The following EZR variants were observed in gnomAD, a reference collection of about 807,000 sequenced individuals.
The protein encoded by EZR is ezrin, also known as cytovillin 2.
A neutral mutation model predicts 74.8 loss-of-function variants in EZR; 40 were observed. The ratio of observed to expected loss-of-function variants is 0.53; its 90% CI spans 0.42 to 0.70. EZR has a LOEUF of 0.70. Among genes scored for constraint, EZR ranks in the 30% least tolerant of loss-of-function variants. EZR has a pLI of 0.00. For synonymous variants in EZR, 341 were observed against 283.3 expected (o/e 1.20, Z -2.05); for missense variants, 678 against 755.8 (o/e 0.90, Z 1.21).
At chr6:158,778,443 A>C (rs1791341245) in intron 7 of EZR, among the ~76,000 whole-genome samples, 1 of 152,212 alleles carries the variant, frequency 6.6e-6, no homozygotes, top group Non-Finnish European at 1.5e-5. Flanking sequence ...GAAAATTATG[A>C]CTCACTTTTG....
At position 158,785,261 on chromosome 6, in the gene EZR, G is replaced by T. The variant is rs778637269; in HGVS notation, c.467+48C>A. 6.6e-5 allele frequency: 105 copies of T among 1,600,026 alleles called. 1 individual carries two copies. The highest frequency in any genetic ancestry group is 5.1e-6 in the Non-Finnish European group (6 of 1,170,832). On this transcript the variant is annotated intron_variant, in intron 5 of 13. Transcript: ENST00000367075. ...TCTAAGGCAATCACTTCTCCCTGCC[G>T]AGGACGGCATGACTGCTCCTGCCCA...
intron 5 of EZR, 125 bp downstream of exon 5, chr6:158,785,184 G>T: frequency 8.3e-7 from 1 of 1,198,232 alleles, no homozygotes; most frequent in Non-Finnish European, 1.2e-6. Context: ...TTAATGACTA[G>T]CATGAAGGAG....
chr6:158,813,561 G>A (rs1420240029), intron 2 of EZR, among the ~76,000 whole-genome samples: 1 of 152,204 alleles, frequency 6.6e-6, no homozygotes, highest in Non-Finnish European at 1.5e-5. Context: ...GAGGAGGGGT[G>A]GAAACAGATG....
chr6:158,776,598 T>A, intron 7 of EZR, 94 bp from the exon 8 acceptor site: 1 of 860,544 alleles, frequency 1.2e-6, no homozygotes, highest in Non-Finnish European at 1.8e-6. Flanking sequence ...ATTAGTTCAA[T>A]TAAAATAATA....
chr6:158,767,246 C>T lies in EZR; in HGVS notation c.1596+15G>A, dbSNP rs377550378. ...CGAGGCAGGCTCCCTGGAGACAGAGCCCCTTGGGCCTCACCAGCAGCTGCC... is the reference window on the plus strand; with the variant it reads ...CGAGGCAGGCTCCCTGGAGACAGAGTCCCTTGGGCCTCACCAGCAGCTGCC... On this transcript the variant is annotated intron_variant, in intron 13 of 13. Coordinates refer to ENST00000367075, the MANE Select transcript of EZR (RefSeq NM_001111077.2). The T allele has an allele frequency of 2.4e-5, 38 of 1,602,798 alleles. No individual in the cohort carries two copies. Among genetic ancestry groups the T allele is most frequent in the African/African-American group, 4.0e-5 (3 of 74,720 alleles).
At chr6:158,776,743 A>G (rs1791290372) in intron 7 of EZR, among the ~76,000 whole-genome samples, 1 of 152,164 alleles carries the variant, frequency 6.6e-6, no homozygotes, top group South Asian at 2.1e-4. Flanking sequence ...GTTTTTCCTC[A>G]GTCTAGGGCA....
At chr6:158,789,987 A>T (rs1583572926) in intron 2 of EZR, among the ~76,000 whole-genome samples, 1 of 152,298 alleles carries the variant, frequency 6.6e-6, no homozygotes, top group Admixed American at 6.5e-5. Context: ...ATCTCATATG[A>T]GCCTTACGAC....
intron 7 of EZR, among the ~76,000 whole-genome samples, chr6:158,777,268 C>T (rs1166279133): frequency 6.6e-6 from 1 of 152,246 alleles, no homozygotes. Context: ...CTCTGGTTCT[C>T]ATTCCAGTGT....
At chr6:158,785,671 G>A in intron 4 of EZR, 88 bp from the exon 5 acceptor site, 2 of 1,495,098 alleles carry the variant, frequency 1.3e-6, no homozygotes, top group Non-Finnish European at 9.1e-7. Context: ...AGACTCAATG[G>A]GGCCCTCAAG....
intron 2 of EZR, among the ~76,000 whole-genome samples, chr6:158,809,177 G>A (rs1357741893): frequency 6.6e-6 from 1 of 152,138 alleles, no homozygotes; most frequent in African/African-American, 2.4e-5. Flanking sequence ...ACCTGACAGC[G>A]TTATAGGTGG....
chr6:158,785,417 T>G lies in EZR; in HGVS notation c.359A>C (p.Glu120Ala). The G allele has an allele frequency of 6.2e-7, 1 of 1,614,172 alleles. No homozygotes were observed. The stretch of plus-strand genomic sequence containing the variant: ...GTAGGACCCCAAGAGCACGGCAGTC[T>G]CAGGGGGGCAGTAGATCTCATCGCT... ...ILSDEIYCPP[E>A]TAVLLGSYAV... Residue 120 changes from glutamate (E) to alanine (A), a missense_variant, in exon 5 of 14, where the codon GAG becomes GCG. Around this residue, in one of 3 missense-constraint regions of EZR, gnomAD observed 217 missense variants for 232.2 expected, o/e 0.93. Coordinates refer to ENST00000367075, the MANE Select transcript of EZR (RefSeq NM_001111077.2).
chr6:158,774,958 C>T (rs922348476), intron 8 of EZR, among the ~76,000 whole-genome samples: 1 of 150,584 alleles, frequency 6.6e-6, no homozygotes, highest in African/African-American at 2.4e-5. Flanking sequence ...AGTCTGCATT[C>T]AATACGCGTT....
intron 2 of EZR, 40 bp downstream of exon 2, chr6:158,818,042 G>A (rs772393593): frequency 1.2e-6 from 2 of 1,604,730 alleles, no homozygotes; most frequent in African/African-American, 1.3e-5. Context: ...CTCCAATGAA[G>A]CCTCTCCCGT....
chr6:158,806,375 A>G (rs1411314298), intron 2 of EZR, among the ~76,000 whole-genome samples: 1 of 152,184 alleles, frequency 6.6e-6, no homozygotes, highest in Non-Finnish European at 1.5e-5. Context: ...TCTATTATGG[A>G]AAGTTGAAAA....
chr6:158,770,091 C>T, intron 10 of EZR, 147 bp from the exon 11 acceptor site: 1 of 1,050,498 alleles, frequency 9.5e-7, no homozygotes, highest in Non-Finnish European at 1.4e-6. Context: ...GAGGAAAGCA[C>T]TTCACAGAGC....
intron 2 of EZR, among the ~76,000 whole-genome samples, chr6:158,792,740 G>A (rs912498262): frequency 4.0e-5 from 6 of 151,502 alleles, no homozygotes; most frequent in Non-Finnish European, 7.4e-5. Context: ...GCATCAACCC[G>A]GGAGGTGGAG....
chr6:158,789,935 T>G (rs572392468), intron 2 of EZR, among the ~76,000 whole-genome samples: 1 of 152,336 alleles, frequency 6.6e-6, no homozygotes, highest in African/African-American at 2.4e-5. Flanking sequence ...AGTTTTTTTC[T>G]TTTTTGTTAA....
chr6:158,809,907 C>T (rs1777416929), intron 2 of EZR, among the ~76,000 whole-genome samples: 2 of 152,114 alleles, frequency 1.3e-5, no homozygotes, highest in African/African-American at 4.8e-5. Flanking sequence ...CAGGCCACAG[C>T]CAGACTCGGC....
intron 1 of EZR, among the ~76,000 whole-genome samples, chr6:158,818,538 G>T: frequency 6.6e-6 from 1 of 150,738 alleles, no homozygotes; most frequent in East Asian, 2.0e-4. Flanking sequence ...ACACTCAGTG[G>T]GGAGGATCGG....
Sources: gnomAD v4.1 joint callset for allele counts (sites outside exome capture counted in the v4.1 genomes callset) on GRCh38, gnomAD v4.1.1 for gene constraint, gnomAD v4.1.1 regional missense constraint, MANE v1.5 for transcripts, NCBI Gene and HGNC (gene_info 2026-07-23, HGNC 2026-07-21) for gene names.